PTPRK: variants seen among roughly 807,000 people sequenced by gnomAD.
PTPRK encodes protein tyrosine phosphatase receptor type K.
In PTPRK, 75 loss-of-function variants were observed where a neutral mutation model predicts 178.0. The ratio of observed to expected loss-of-function variants is 0.42; its 90% confidence interval spans 0.35 to 0.51. The LOEUF (loss-of-function observed/expected upper bound fraction) is 0.51, where lower values mean the gene tolerates loss of function less well. PTPRK is among the 20% of genes least tolerant of loss of function. PTPRK has a pLI of 0.02. For missense variants in PTPRK, 1,441 were observed against 1,797.8 expected (o/e 0.80, Z 3.59); for synonymous variants, 637 against 620.6 (o/e 1.03, Z -0.39).
chr6:128,310,309 C>A (rs564348774), intron 3 of PTPRK, among the ~76,000 whole-genome samples: 14 of 152,202 alleles, frequency 9.2e-5, no homozygotes, highest in Admixed American at 3.9e-4. Context: ...TAGAGTGAGA[C>A]CCAAGGCTGA....
rs143112917 is a variant in PTPRK, at chr6:128,163,775, A to G, written c.1162+20657T>C. Among the ~76,000 whole-genome samples, 502 of 151,652 alleles carry G rather than the reference A, an allele frequency of 3.3e-3. 5 individuals are homozygous for G. The highest frequency in any genetic ancestry group is 0.011 in the African/African-American group (461 of 41,524). ...TATTGTAATTTCAAAGTAGTGAACA[A>G]TAAATCATATTCCAAGCTATCTGAA... On this transcript the variant is annotated intron_variant, in intron 7 of 29. Transcript: ENST00000368226.
chr6:127,984,048 T>A (rs1315794226), intron 22 of PTPRK, among the ~76,000 whole-genome samples: 1 of 152,186 alleles, frequency 6.6e-6, no homozygotes, highest in Non-Finnish European at 1.5e-5. Context: ...CTAGCCGCTA[T>A]CTTACTGTAT....
At chr6:128,263,694 G>A (rs1818511510) in intron 3 of PTPRK, among the ~76,000 whole-genome samples, 2 of 152,146 alleles carry the variant, frequency 1.3e-5, no homozygotes, top group South Asian at 4.1e-4. Context: ...TTAACAACAA[G>A]ATCACAACTT....
chr6:128,115,403 T>C (rs1791339289), intron 7 of PTPRK, among the ~76,000 whole-genome samples: 1 of 152,124 alleles, frequency 6.6e-6, no homozygotes, highest in Non-Finnish European at 1.5e-5. Flanking sequence ...CATGTCTCCT[T>C]GGTACAACTG....
In PTPRK at chr6:128,241,365, A is replaced by G. The variant is rs1333224608; in HGVS notation, c.577+1156T>C. On this transcript the variant is annotated intron_variant, in intron 4 of 29. Transcript: ENST00000368226. ...AATTGTCAGGCCCCACCCCAGACCT[A>G]TTCAATCAGAACCAGGGGAAGAGCC... 1.2e-5 allele frequency: 6 copies of G among 520,620 alleles called. No homozygotes were observed. The East Asian group carries it at 3.3e-4, about 29-fold the overall frequency. 32.3% of individuals were successfully genotyped at this position (520,620 alleles called of 1,614,324 possible). A position where few individuals can be genotyped will look rare whatever the true frequency, so the allele number is the denominator to read the frequency against.
chr6:127,993,150 T>C (rs1245533891), intron 18 of PTPRK, among the ~76,000 whole-genome samples: 1 of 151,766 alleles, frequency 6.6e-6, no homozygotes, highest in African/African-American at 2.4e-5. Flanking sequence ...CATTCCAATG[T>C]TAGAGCTGGA....
At chr6:128,352,417 GTT>G (rs75499877) in intron 2 of PTPRK, among the ~76,000 whole-genome samples, 148,019 of 152,246 alleles carry the variant, frequency 0.97, 72,078 homozygotes, top group South Asian at 1. Flanking sequence ...ACTACCTCTA[GTT>G]GCAGATCACT....
chr6:128,092,367 C>A lies in PTPRK; in HGVS notation c.1163-2375G>T, dbSNP rs568746229. Among the ~76,000 whole-genome samples, 66 of 152,258 alleles carry A rather than the reference C, an allele frequency of 4.3e-4. 1 individual carries two copies. The South Asian group carries it at 0.014, about 32-fold the overall frequency. On this transcript the variant is annotated intron_variant, in intron 7 of 29. Transcript: ENST00000368226. ...TATGAACAACCAAAGTAAACACACA[C>A]ACACAGACTAAAAATCAAAACTTGA...
Position 128,386,197 on chromosome 6 carries a change from T to C in PTPRK, c.223+11369A>G, listed in dbSNP as rs375981496. Among the ~76,000 whole-genome samples, 39 of 152,328 alleles carry C rather than the reference T, an allele frequency of 2.6e-4. 1 individual carries two copies. In the South Asian group the frequency reaches 8.1e-3, roughly 32 times the overall value. On this transcript the variant is annotated intron_variant, in intron 2 of 29. Coordinates refer to ENST00000368226, the MANE Select transcript of PTPRK (RefSeq NM_002844.4). ...ACTTTTCTTTACTTTCAATGGCAGA[T>C]AACTGGATAAATAACTAAGAATCGG...
chr6:128,335,425 C>A (rs1359733090), intron 2 of PTPRK, among the ~76,000 whole-genome samples: 21 of 76,220 alleles, frequency 2.8e-4, no homozygotes, highest in South Asian at 8.7e-4. Context: ...AAAATAAAAG[C>A]AAAAGGGAAT....
intron 15 of PTPRK, among the ~76,000 whole-genome samples, chr6:128,000,768 C>T (rs1056717616): frequency 1.1e-4 from 16 of 152,016 alleles, no homozygotes; most frequent in South Asian, 2.1e-4. Context: ...GAACAGATAA[C>T]GTCAGAGAGG....
chr6:128,115,776 G>T (rs139841084), intron 7 of PTPRK, among the ~76,000 whole-genome samples: 1 of 152,110 alleles, frequency 6.6e-6, no homozygotes, highest in East Asian at 1.9e-4. Context: ...TGTTCACATG[G>T]TATTACAGTG....
At chr6:128,515,532 A>G (rs1292624) in intron 1 of PTPRK, among the ~76,000 whole-genome samples, 152,083 of 152,300 alleles carry the variant, frequency 1, 75,933 homozygotes, top group Middle Eastern at 1. Context: ...AAGACTGAGA[A>G]GAATACACAG....
intron 1 of PTPRK, among the ~76,000 whole-genome samples, chr6:128,491,228 A>G (rs569037530): frequency 9.2e-5 from 14 of 152,322 alleles, no homozygotes; most frequent in African/African-American, 2.9e-4. Flanking sequence ...CACAGCATCA[A>G]GTGGATGAAA....
intron 1 of PTPRK, among the ~76,000 whole-genome samples, chr6:128,458,610 C>A (rs889329246): frequency 6.6e-6 from 1 of 152,242 alleles, no homozygotes. Context: ...TGCACACACA[C>A]ACAAAATGGC....
chr6:128,079,284 T>C (rs929904734), intron 10 of PTPRK, among the ~76,000 whole-genome samples: 3 of 151,970 alleles, frequency 2.0e-5, no homozygotes, highest in Admixed American at 6.6e-5. Flanking sequence ...GAGTCACATA[T>C]GGCGATCAGG....
intron 2 of PTPRK, among the ~76,000 whole-genome samples, chr6:128,344,281 GC>G (rs889934029): frequency 1.3e-5 from 2 of 151,952 alleles, no homozygotes; most frequent in African/African-American, 4.8e-5. Context: ...ACTTAATACT[GC>G]TCCCACTCTC....
At chr6:127,991,581 G>GTTTT (rs55842054) in intron 19 of PTPRK, among the ~76,000 whole-genome samples, 190 bp from the exon 20 acceptor site, 49 of 135,494 alleles carry the variant, frequency 3.6e-4, no homozygotes, top group Non-Finnish European at 6.2e-4. Context: ...GCATATACAA[G>GTTTT]TTTTTTTTTT....
chr6:127,995,524 C>G lies in PTPRK; in HGVS notation c.2782G>C (p.Val928Leu), dbSNP rs1310555538. 11 of 1,587,788 alleles carry G rather than the reference C, an allele frequency of 6.9e-6. No homozygotes were observed. In the East Asian group the frequency reaches 2.5e-4, roughly 36 times the overall value. The change falls in exon 18 of 30, where the codon GTG (valine) becomes CTG (leucine). Residue 928 changes from valine (V) to leucine (L), a missense_variant. Transcript: ENST00000368226. ...TCATCCTCTACGGGTTGCAAAATCA[C>G]TCTGGAGTGATCATCTAAAATTTTA... ...GNIIAYDHSRVILQPVEDDPS... is the reference protein window; with the variant it reads ...GNIIAYDHSRLILQPVEDDPS...
Sources: gnomAD v4.1 joint callset for allele counts (sites outside exome capture counted in the v4.1 genomes callset) on GRCh38, gnomAD v4.1.1 for gene constraint, MANE v1.5 for transcripts, NCBI Gene and HGNC (gene_info 2026-07-23, HGNC 2026-07-21) for gene names.